ANKRD18A: variants seen among roughly 807,000 people sequenced by gnomAD.
ANKRD18A encodes ankyrin repeat domain-containing protein 18A.
In ANKRD18A, 72 loss-of-function variants were observed where a neutral mutation model predicts 110.6. The ratio of observed to expected loss-of-function variants is 0.65; its 90% confidence interval spans 0.54 to 0.79. The LOEUF (loss-of-function observed/expected upper bound fraction) is 0.79. ANKRD18A is among the 30% of genes least tolerant of loss of function. ANKRD18A has a pLI of 0.00. For missense variants in ANKRD18A, 934 were observed against 1,163.3 expected, an observed-to-expected ratio of 0.80 and a Z score of 2.87; for synonymous variants, 305 against 410.3, an observed-to-expected ratio of 0.74 and a Z score of 3.10.
Position 38,578,094 on chromosome 9 carries a change from C to A in ANKRD18A, c.2302G>T (p.Ala768Ser), listed in dbSNP as rs1226103294. The A allele has an allele frequency of 6.5e-7, 1 of 1,549,988 alleles. No individual in the cohort carries two copies. The highest frequency in any genetic ancestry group is 1.4e-5 in the African/African-American group (1 of 72,866). The change falls in exon 13 of 16, where the codon GCC becomes TCC. Residue 768 changes from alanine to serine, a missense_variant. Physicochemically the swap from Ala to Ser is moderately conservative, Grantham distance 99. This residue lies in a region of ANKRD18A where 79 missense variants were observed against 122.8 expected (regional missense o/e 0.64). Coordinates refer to ENST00000399703, the MANE Select transcript of ANKRD18A (RefSeq NM_147195.4). The part of the protein sequence containing the change: ...EAVSSECVNL[A>S]KDNEVLHQEL... ...TGATGAAGAACTTCATTGTCTTTGGCCAAATTGACACATTCTGAAGACACA... is the reference window on the plus strand; with the variant it reads ...TGATGAAGAACTTCATTGTCTTTGGACAAATTGACACATTCTGAAGACACA...
intron 14 of ANKRD18A, 42 bp from the exon 15 acceptor site, chr9:38,575,740 C>T (rs1234487427): frequency 1.3e-5 from 19 of 1,504,420 alleles, no homozygotes; most frequent in Non-Finnish European, 1.6e-5. Flanking sequence ...TTTCATTTTT[C>T]CTTGAATGAT....
rs774344329 is a variant in ANKRD18A at position 38,577,989 on chromosome 9, A to G, written c.2407T>C (p.Leu803=). 307 of 1,567,666 alleles carry G rather than the reference A, an allele frequency of 2.0e-4. 1 individual carries two copies. The highest frequency in any genetic ancestry group is 5.0e-4 in the Middle Eastern group (3 of 6,004). The change falls in exon 13 of 16, where the codon TTA becomes CTA. Residue 803 remains leucine (L), a synonymous_variant. Transcript: ENST00000399703. ...TTTTCCATATGTGTCTTAAGATTTA[A>G]TACTTCTTCTTCCAACATCTTTTTA... The part of the protein sequence containing the change: ...KDKKMLEEEV[L]NLKTHMEKDM...
At chr9:38,611,828 A>T (rs979422429) in intron 3 of ANKRD18A, among the ~76,000 whole-genome samples, 3 of 152,256 alleles carry the variant, frequency 2.0e-5, no homozygotes, top group African/African-American at 7.2e-5. Context: ...TTCCATGATC[A>T]TCTGCATTTG....
chr9:38,604,578 T>C (rs976436555), intron 6 of ANKRD18A, among the ~76,000 whole-genome samples: 2 of 146,838 alleles, frequency 1.4e-5, no homozygotes, highest in African/African-American at 5.1e-5. Flanking sequence ...GGTCTTCCAG[T>C]ATTTGCAGCC....
chr9:38,571,390 C>T lies in ANKRD18A; in HGVS notation c.*655G>A. On this transcript the variant is annotated 3_prime_UTR_variant, in exon 16 of 16. Coordinates refer to ENST00000399703, the MANE Select transcript of ANKRD18A (RefSeq NM_147195.4). Reference sequence around the variant, plus strand: ...TCTCCTTTATTTATTGGTTTTATTTCTCCATGTAGAACAAAGAAGAAAATA... The same window carrying T: ...TCTCCTTTATTTATTGGTTTTATTTTTCCATGTAGAACAAAGAAGAAAATA... The T allele has an allele frequency of 1.4e-6, 1 of 708,266 alleles. No homozygotes were observed. The highest frequency in any genetic ancestry group is 4.0e-5 in the Admixed American group (1 of 25,264). The allele number at this position is 708,266 out of a possible 1,614,324, so 43.9% of individuals were successfully genotyped here. A position where few individuals can be genotyped will look rare whatever the true frequency, so the allele number is the denominator to read the frequency against.
intron 6 of ANKRD18A, among the ~76,000 whole-genome samples, chr9:38,603,636 G>C (rs890059618): frequency 2.6e-5 from 4 of 151,900 alleles, no homozygotes; most frequent in Admixed American, 2.6e-4. Context: ...TGCTTAAATC[G>C]TTCTTGAAAA....
At chr9:38,592,478 G>C (rs1306710865) in intron 10 of ANKRD18A, among the ~76,000 whole-genome samples, 5 of 152,188 alleles carry the variant, frequency 3.3e-5, no homozygotes, top group Admixed American at 3.3e-4. Context: ...TTGCCTGCCA[G>C]GTCTGAATGA....
At chr9:38,611,121 A>T in intron 4 of ANKRD18A, 94 bp downstream of exon 4, 1 of 1,449,730 alleles carries the variant, frequency 6.9e-7, no homozygotes, top group South Asian at 1.5e-5. Context: ...TATAAGTTTA[A>T]TCTTATTAAC....
At chr9:38,590,532 G>A (rs1824600632) in intron 10 of ANKRD18A, among the ~76,000 whole-genome samples, 1 of 152,168 alleles carries the variant, frequency 6.6e-6, no homozygotes, top group Non-Finnish European at 1.5e-5. Context: ...GATTACAGAT[G>A]TGAGCCACGG....
Position 38,595,958 on chromosome 9 carries a change from T to C in ANKRD18A, c.1382A>G (p.Asn461Ser). 2 of 1,550,380 alleles carry C rather than the reference T, an allele frequency of 1.3e-6. No individual in the cohort carries two copies. Among genetic ancestry groups the C allele is most frequent in the Non-Finnish European group, 1.7e-6 (2 of 1,146,452 alleles). The change falls in exon 9 of 16, where the codon AAT becomes AGT. Residue 461 changes from asparagine to serine, a missense_variant. Physicochemically the swap from Asn to Ser is conservative, Grantham distance 46. Transcript: ENST00000399703. ...ATTCTTATCTGTTAGTTGAGAAATA[T>C]TAGAACCCATTTTTTCATGTCTAGA... ...DVSRHEKMGSNISQLTDKNEL... is the reference protein window; with the variant it reads ...DVSRHEKMGSSISQLTDKNEL...
In ANKRD18A at chr9:38,596,372, G is replaced by T. The variant is rs748867857; in HGVS notation, c.968C>A (p.Ala323Glu). The T allele has an allele frequency of 4.1e-6, 6 of 1,457,444 alleles. No homozygotes were observed. Among genetic ancestry groups the T allele is most frequent in the Non-Finnish European group, 5.4e-6 (6 of 1,104,630 alleles). The allele number at this position is 1,457,444 out of a possible 1,614,324, so 90.3% of individuals were successfully genotyped here. A position where few individuals can be genotyped will look rare whatever the true frequency, so the allele number is the denominator to read the frequency against. The change falls in exon 9 of 16, where the codon GCG becomes GAG. Residue 323 changes from alanine (A) to glutamate (E), a missense_variant. Coordinates refer to ENST00000399703, the MANE Select transcript of ANKRD18A (RefSeq NM_147195.4). ...DSQSYGKKKD[A>E]MYGNFMLKKD... ...CTTCAACATAAAATTTCCATACATC[G>T]CATCCTTCTTTTTTCCGTAACTTTG...
At chr9:38,606,309 T>G (rs1825353456) in intron 6 of ANKRD18A, among the ~76,000 whole-genome samples, 1 of 152,174 alleles carries the variant, frequency 6.6e-6, no homozygotes. Flanking sequence ...GAGTTTGAAC[T>G]GCAGGGGTCC....
chr9:38,599,467 A>ATT lies in ANKRD18A; in HGVS notation c.936+1662_936+1663dup, dbSNP rs200337501. On this transcript the variant is annotated intron_variant, in intron 8 of 15. Transcript: ENST00000399703. ...CTTCAGTTGAACTTTTTTGTAATGA[A>ATT]TTTTTTTTTTTTTTGAGATGGACTT... Among the ~76,000 whole-genome samples the ATT allele has an allele frequency of 7.6e-3, 1,108 of 145,722 alleles. 10 individuals are homozygous for ATT. Among genetic ancestry groups the ATT allele is most frequent in the African/African-American group, 0.025 (1,002 of 39,914 alleles).
chr9:38,600,755 C>T (rs191333237), intron 8 of ANKRD18A, among the ~76,000 whole-genome samples: 1 of 152,318 alleles, frequency 6.6e-6, no homozygotes, highest in Non-Finnish European at 1.5e-5. Context: ...GGAATGATGA[C>T]TCCTTTCACA....
chr9:38,615,420 T>C (rs887633722), intron 3 of ANKRD18A, among the ~76,000 whole-genome samples, 174 bp downstream of exon 3: 2 of 152,230 alleles, frequency 1.3e-5, no homozygotes, highest in African/African-American at 4.8e-5. Context: ...TGCACTAAAA[T>C]AGCTGTGCCC....
At chr9:38,584,593 T>G (rs1198705859) in intron 12 of ANKRD18A, among the ~76,000 whole-genome samples, 2 of 152,242 alleles carry the variant, frequency 1.3e-5, no homozygotes, top group Non-Finnish European at 1.5e-5. Flanking sequence ...AAAATTTATT[T>G]GGTACTAGTG....
At chr9:38,601,058 G>C in intron 8 of ANKRD18A, 73 bp downstream of exon 8, 1 of 1,344,650 alleles carries the variant, frequency 7.4e-7, no homozygotes, top group South Asian at 1.4e-5. Flanking sequence ...ACTTCATTTG[G>C]CCTATGCTAT....
intron 1 of ANKRD18A, among the ~76,000 whole-genome samples, chr9:38,619,619 A>T (rs1236370768): frequency 6.6e-6 from 1 of 152,180 alleles, no homozygotes; most frequent in African/African-American, 2.4e-5. Context: ...ATAAACATGG[A>T]AACAGTTCAT....
At chr9:38,578,286 C>T (rs995124481) in intron 12 of ANKRD18A, 138 bp from the exon 13 acceptor site, 2 of 798,978 alleles carry the variant, frequency 2.5e-6, no homozygotes, top group Non-Finnish European at 3.7e-6. Flanking sequence ...AAATGTGAAC[C>T]CTTAAATTAC....
Sources: gnomAD v4.1 joint callset for allele counts (sites outside exome capture counted in the v4.1 genomes callset) on GRCh38, gnomAD v4.1.1 for gene constraint, gnomAD v4.1.1 regional missense constraint, MANE v1.5 for transcripts, NCBI Gene and HGNC (gene_info 2026-07-23, HGNC 2026-07-21) for gene names.